HPGD: variants seen among roughly 807,000 people sequenced by gnomAD.
The protein encoded by HPGD is 15-hydroxyprostaglandin dehydrogenase [NAD(+)].
A neutral mutation model predicts 30.0 loss-of-function variants in HPGD; 29 were observed. That is an observed-to-expected ratio of 0.97 (90% CI 0.72 to 1.32). The LOEUF (loss-of-function observed/expected upper bound fraction) is 1.32. Among genes scored for constraint, HPGD ranks in the 40% most tolerant of loss-of-function variants. The pLI, the probability that HPGD is intolerant of heterozygous loss-of-function variation, is 0.00. For synonymous variants in HPGD, 99 were observed against 112.4 expected (o/e 0.88, Z 0.75); for missense variants, 340 against 322.1 (o/e 1.06, Z -0.43).
chr4:174,513,438 A>G (rs2110853782), intron 3 of HPGD, among the ~76,000 whole-genome samples: 1 of 151,878 alleles, frequency 6.6e-6, no homozygotes, highest in South Asian at 2.1e-4. Context: ...GGTATCCTCC[A>G]AAGAGTAAAT....
Position 174,495,530 on chromosome 4 carries a change from C to T in HPGD, c.498+18G>A, listed in dbSNP as rs201532567. On this transcript the variant is annotated intron_variant, in intron 5 of 6. Transcript: ENST00000296522. Reference sequence around the variant, plus strand: ...TGTACAAAGAGAAAATGAGATATGACGGTTGTTGTAGCCTCACCGCTGCTG... The same window carrying T: ...TGTACAAAGAGAAAATGAGATATGATGGTTGTTGTAGCCTCACCGCTGCTG... 1.1e-4 allele frequency: 166 copies of T among 1,568,848 alleles called. No homozygotes were observed. Among genetic ancestry groups the T allele is most frequent in the African/African-American group, 1.0e-3 (75 of 74,064 alleles).
At chr4:174,511,135 T>C (rs1735469925) in intron 3 of HPGD, among the ~76,000 whole-genome samples, 2 of 151,696 alleles carry the variant, frequency 1.3e-5, no homozygotes, top group Admixed American at 1.3e-4. Context: ...AATTATAGAG[T>C]CAAGACTGGA....
chr4:174,505,342 G>A (rs1735130724), intron 4 of HPGD, among the ~76,000 whole-genome samples: 1 of 151,994 alleles, frequency 6.6e-6, no homozygotes, highest in African/African-American at 2.4e-5. Flanking sequence ...AATAGAGTAA[G>A]CAGTACAGAG....
At position 174,522,485 on chromosome 4, in the gene HPGD, G is replaced by A; in HGVS notation, c.-34C>T. On this transcript the variant is annotated 5_prime_UTR_variant, in exon 1 of 7. Transcript: ENST00000296522. ...CACTGCTGGGGCGGGCGGTGGGCGA[G>A]CTCCGCGTCTCCGCGCGGCCGCGGC... 6.7e-7 allele frequency: 1 copy of A among 1,497,748 alleles called. No individual in the cohort carries two copies. The highest frequency in any genetic ancestry group is 9.0e-7 in the Non-Finnish European group (1 of 1,113,754). 92.8% of individuals were successfully genotyped at this position (1,497,748 alleles called of 1,614,324 possible).
chr4:174,501,923 A>G (rs545529149), intron 4 of HPGD, among the ~76,000 whole-genome samples: 1 of 152,228 alleles, frequency 6.6e-6, no homozygotes, highest in East Asian at 1.9e-4. Context: ...AAAAACAGAA[A>G]CCTCCTCAGA....
Position 174,522,339 on chromosome 4 carries a change from C to A in HPGD, c.93+20G>T. ...GAGTGTGTGGGCAGAGAAATTTCCGCGGCTGGGCGCCGGGCTTACCTTGGC... is the reference window on the plus strand; with the variant it reads ...GAGTGTGTGGGCAGAGAAATTTCCGAGGCTGGGCGCCGGGCTTACCTTGGC... On this transcript the variant is annotated intron_variant, in intron 1 of 6. Coordinates refer to ENST00000296522, the MANE Select transcript of HPGD (RefSeq NM_000860.6). The A allele has an allele frequency of 6.5e-7, 1 of 1,549,980 alleles. No individual in the cohort carries two copies.
intron 3 of HPGD, among the ~76,000 whole-genome samples, chr4:174,515,617 T>TAGAC (rs112838772): frequency 0.76 from 115,711 of 151,662 alleles, 44,607 homozygotes; most frequent in East Asian, 0.96. Context: ...AAACCAAAAA[T>TAGAC]AGATGGGACC....
chr4:174,492,275 AT>A lies in HPGD; in HGVS notation c.663-182del, dbSNP rs1278025398. Among the ~76,000 whole-genome samples the A allele has an allele frequency of 6.6e-6, 1 of 151,962 alleles. No individual in the cohort carries two copies. Among genetic ancestry groups the A allele is most frequent in the Non-Finnish European group, 1.5e-5 (1 of 67,880 alleles). The stretch of plus-strand genomic sequence containing the variant: ...ATTAGATATCTAGATTAGATATCTT[AT>A]TTATCTAATTTATTCAATTAGATTT... On this transcript the variant is annotated intron_variant, in intron 6 of 6. Transcript: ENST00000296522. This position sits in a 1 kb window ranked among gnomAD's most constrained non-coding sequence, Gnocchi z 4.9.
Position 174,492,593 on chromosome 4 carries a change from T to C in HPGD, c.663-499A>G, listed in dbSNP as rs1345714443. The stretch of plus-strand genomic sequence containing the variant: ...AAGTCCCTAAGTCTGTTGTATTATC[T>C]CTATTTTATATGTGAGAAAATTGAA... On this transcript the variant is annotated intron_variant, in intron 6 of 6. Transcript: ENST00000296522. The surrounding 1 kb of genome is among the most constrained non-coding windows in gnomAD (Gnocchi z 4.9). Among the ~76,000 whole-genome samples, 1 of 152,096 alleles carries C rather than the reference T, an allele frequency of 6.6e-6. No homozygotes were observed. Among genetic ancestry groups the C allele is most frequent in the Non-Finnish European group, 1.5e-5 (1 of 67,934 alleles).
chr4:174,504,545 C>T (rs553822256), intron 4 of HPGD, among the ~76,000 whole-genome samples: 4 of 152,092 alleles, frequency 2.6e-5, no homozygotes, highest in South Asian at 2.1e-4. Flanking sequence ...TTAAGAACTG[C>T]GCCTGTAATC....
intron 4 of HPGD, among the ~76,000 whole-genome samples, chr4:174,505,818 G>C (rs1002283388): frequency 6.6e-6 from 1 of 152,110 alleles, no homozygotes; most frequent in African/African-American, 2.4e-5. Context: ...GGAGAGAGTA[G>C]TAAGCCAAGC....
intron 2 of HPGD, among the ~76,000 whole-genome samples, chr4:174,518,842 A>G (rs2061506343): frequency 6.6e-6 from 1 of 152,202 alleles, no homozygotes; most frequent in African/African-American, 2.4e-5. Context: ...GCAGCCTTTG[A>G]CAGAGTTCTA....
chr4:174,521,352 G>A (rs978944407), intron 2 of HPGD, among the ~76,000 whole-genome samples: 1 of 152,122 alleles, frequency 6.6e-6, no homozygotes, highest in Admixed American at 6.5e-5. Flanking sequence ...ATTGAGGAAA[G>A]GCTGATAGAG....
rs750204797 is a variant in HPGD, at chr4:174,496,917, A to G, written c.422-1293T>C. ...CACCCAATGATTTCAAAGTATTGTT[A>G]ATATGTTGCTTCTCTTGTTGTCATT... On this transcript the variant is annotated intron_variant, in intron 4 of 6. Coordinates refer to ENST00000296522, the MANE Select transcript of HPGD (RefSeq NM_000860.6). This position sits in a 1 kb window ranked among gnomAD's most constrained non-coding sequence, Gnocchi z 4.6. 8.5e-5 allele frequency among the ~76,000 whole-genome samples: 13 copies of G among 152,242 alleles called. No homozygotes were observed. Among genetic ancestry groups the G allele is most frequent in the Non-Finnish European group, 1.5e-5 (1 of 68,040 alleles).
chr4:174,498,554 T>C (rs544230010), intron 4 of HPGD, among the ~76,000 whole-genome samples: 2 of 152,268 alleles, frequency 1.3e-5, no homozygotes, highest in South Asian at 4.1e-4. Context: ...TTACTATACT[T>C]TGCATTTTCT....
At chr4:174,499,528 T>G (rs1379931786) in intron 4 of HPGD, among the ~76,000 whole-genome samples, 2 of 152,034 alleles carry the variant, frequency 1.3e-5, no homozygotes, top group African/African-American at 4.8e-5. Flanking sequence ...CTCAGAAGAG[T>G]TATTATATGC....
At chr4:174,509,911 A>AAAAAAAAAAAAG (rs1735392818) in intron 3 of HPGD, among the ~76,000 whole-genome samples, 2 of 98,202 alleles carry the variant, frequency 2.0e-5, no homozygotes, top group African/African-American at 3.1e-5. Flanking sequence ...AATCACTACC[A>AAAAAAAAAAAAG]AAAAAAAAAA....
rs1734366992 is a variant in HPGD, at chr4:174,492,087, A to G, written c.670T>C (p.Leu224=). ...IKYYGILDPP[L]IANGLITLIE... is the part of the protein sequence containing the mutation. Reference sequence around the variant, plus strand: ...AGTGTTATCAATCCATTGGCAATCAATGGTGGGCTAAAAATAAAGAAAACA... The same window carrying G: ...AGTGTTATCAATCCATTGGCAATCAGTGGTGGGCTAAAAATAAAGAAAACA... The change falls in exon 7 of 7, where the codon TTG becomes CTG. Residue 224 remains leucine (L), a synonymous_variant. Coordinates refer to ENST00000296522, the MANE Select transcript of HPGD (RefSeq NM_000860.6). The surrounding 1 kb of genome is among the most constrained non-coding windows in gnomAD (Gnocchi z 4.9). 3 of 1,611,150 alleles carry G rather than the reference A, an allele frequency of 1.9e-6. No homozygotes were observed. The highest frequency in any genetic ancestry group is 1.1e-5 in the South Asian group (1 of 91,010).
At chr4:174,507,973 C>T (rs1560983020) in intron 4 of HPGD, 1 of 568,202 alleles carries the variant, frequency 1.8e-6, no homozygotes, top group Non-Finnish European at 3.2e-6. Context: ...GAAACATGAG[C>T]TCAAGTTCTA....
Sources: allele counts gnomAD v4.1 joint callset (sites outside exome capture counted in the v4.1 genomes callset), GRCh38; gene constraint gnomAD v4.1.1; non-coding constraint Gnocchi (gnomAD v3.1); transcripts MANE v1.5; gene names NCBI Gene and HGNC (gene_info 2026-07-23, HGNC 2026-07-21).